The following AFF3 variants were observed in gnomAD, a reference collection of about 807,000 sequenced individuals.
AFF3 encodes AF4/FMR2 family member 3.
AFF3 carries 32 observed loss-of-function variants against 129.7 expected under a neutral mutation model. The observed-to-expected ratio is 0.25, with a 90% CI of 0.19 to 0.33. AFF3 has a LOEUF of 0.33. Ranked by LOEUF, AFF3 falls within the 10% of genes least tolerant of loss-of-function variation. The pLI, the probability that AFF3 is intolerant of heterozygous loss-of-function variation, is 1.00. For missense variants in AFF3, 1,373 were observed against 1,592.0 expected (o/e 0.86, Z 2.34); for synonymous variants, 644 against 635.4 (o/e 1.01, Z -0.20).
At chr2:100,058,087 T>C (rs1402475623) in intron 4 of AFF3, among the ~76,000 whole-genome samples, 4 of 152,210 alleles carry the variant, frequency 2.6e-5, no homozygotes, top group African/African-American at 9.6e-5. Flanking sequence ...AAATGAGTGA[T>C]AGCTACAGTT....
chr2:99,942,549 G>A lies in AFF3; in HGVS notation c.873+64083C>T, dbSNP rs1675154525. ...TATGAATTAAGTGGGGGGAGGGGCG[G>A]GGGGGGGGTCGCGGCACAGGGAATG... On this transcript the variant is annotated intron_variant, in intron 7 of 24. Transcript: ENST00000672756. 3.8e-5 allele frequency among the ~76,000 whole-genome samples: 3 copies of A among 79,392 alleles called. No homozygotes were observed. The East Asian group carries it at 9.4e-4, about 25-fold the overall frequency. The allele number at this position is 79,392 out of a possible 152,430, so 52.1% of individuals were successfully genotyped here. A position where few individuals can be genotyped will look rare whatever the true frequency, so the allele number is the denominator to read the frequency against.
intron 7 of AFF3, among the ~76,000 whole-genome samples, chr2:99,900,670 A>G (rs1694281449): frequency 6.6e-6 from 1 of 152,104 alleles, no homozygotes; most frequent in Admixed American, 6.5e-5. Context: ...ATACAATGGC[A>G]TTTACTGACT....
intron 11 of AFF3, chr2:99,707,638 C>G (rs1352128352): frequency 1.0e-6 from 1 of 984,234 alleles, no homozygotes; most frequent in East Asian, 1.1e-4. Flanking sequence ...AGAATCTTCA[C>G]ATTCCAAATC....
intron 13 of AFF3, among the ~76,000 whole-genome samples, chr2:99,607,316 A>T (rs1181147696): frequency 2.6e-5 from 4 of 152,084 alleles, no homozygotes; most frequent in Non-Finnish European, 5.9e-5. Context: ...GCAGATCACA[A>T]GGTCAAGAGT....
At chr2:100,067,138 T>C (rs1353560542) in intron 4 of AFF3, among the ~76,000 whole-genome samples, 1 of 149,818 alleles carries the variant, frequency 6.7e-6, no homozygotes, top group African/African-American at 2.5e-5. Flanking sequence ...TCATTCCCCC[T>C]TACCTAGCAC....
chr2:99,922,664 T>C (rs952552764), intron 7 of AFF3, among the ~76,000 whole-genome samples: 6 of 152,142 alleles, frequency 3.9e-5, no homozygotes, highest in Admixed American at 3.9e-4. Context: ...GAGTGAAAGG[T>C]AAATTTAGTA....
chr2:99,714,904 G>A (rs1678242447), intron 11 of AFF3, among the ~76,000 whole-genome samples: 1 of 152,148 alleles, frequency 6.6e-6, no homozygotes, highest in African/African-American at 2.4e-5. Flanking sequence ...TGAACATGTT[G>A]CACTTTGCAT....
Position 99,547,163 on chromosome 2 carries a change from G to A in AFF3, c.*4311C>T, listed in dbSNP as rs1287817616. ...TTATAAACTGGGAGCCAGAACAACT[G>A]ACTTGAACGTATTTTGATTCTCAAG... On this transcript the variant is annotated 3_prime_UTR_variant, in exon 25 of 25. Transcript: ENST00000672756. The A allele has an allele frequency of 9.2e-6, 2 of 218,018 alleles. No individual in the cohort carries two copies. The highest frequency in any genetic ancestry group is 1.8e-5 in the Non-Finnish European group (2 of 108,578). The allele number at this position is 218,018 out of a possible 1,614,324, so 13.5% of individuals were successfully genotyped here.
intron 7 of AFF3, among the ~76,000 whole-genome samples, chr2:99,967,544 T>C (rs1677905206): frequency 6.6e-6 from 1 of 152,218 alleles, no homozygotes; most frequent in South Asian, 2.1e-4. Context: ...CACCTCCACA[T>C]TCAGTGGCAC....
In AFF3 at chr2:99,797,705, T is replaced by C. The variant is rs1685647401; in HGVS notation, c.921+39772A>G. Among the ~76,000 whole-genome samples, 3 of 151,934 alleles carry C rather than the reference T, an allele frequency of 2.0e-5. No homozygotes were observed. In the South Asian group the frequency reaches 6.2e-4, roughly 32 times the overall value. ...GAGAAAGACGAAACAGAGATTAGGATTACAACAGATTTACTGTTGGAAACA... is the reference window on the plus strand; with the variant it reads ...GAGAAAGACGAAACAGAGATTAGGACTACAACAGATTTACTGTTGGAAACA... On this transcript the variant is annotated intron_variant, in intron 8 of 24. Transcript: ENST00000672756.
chr2:99,628,549 C>T (rs890916783), intron 13 of AFF3, among the ~76,000 whole-genome samples: 1 of 150,564 alleles, frequency 6.6e-6, no homozygotes, highest in African/African-American at 2.5e-5. Context: ...AATACCCTTT[C>T]TTTCTTTTTT....
chr2:99,944,856 T>C lies in AFF3; in HGVS notation c.873+61776A>G, dbSNP rs929348776. Among the ~76,000 whole-genome samples, 4 of 152,328 alleles carry C rather than the reference T, an allele frequency of 2.6e-5. No homozygotes were observed. The East Asian group carries it at 7.7e-4, about 29-fold the overall frequency. On this transcript the variant is annotated intron_variant, in intron 7 of 24. Transcript: ENST00000672756. ...TAATAAACAAAATCTAAAATATATA[T>C]TGTCTTACACTTGAGAGAAAATATA...
intron 4 of AFF3, among the ~76,000 whole-genome samples, chr2:100,023,169 G>C (rs1271278228): frequency 6.6e-6 from 1 of 152,216 alleles, no homozygotes; most frequent in Non-Finnish European, 1.5e-5. Flanking sequence ...GGATGAATAA[G>C]TATCTGGTGT....
At chr2:99,847,549 T>C (rs17023206) in intron 7 of AFF3, among the ~76,000 whole-genome samples, 1,706 of 152,072 alleles carry the variant, frequency 0.011, 35 homozygotes, top group African/African-American at 0.04. Context: ...GGCAATCTAT[T>C]TTATCTTTTC....
intron 1 of AFF3, among the ~76,000 whole-genome samples, chr2:100,141,338 A>G (rs562089318): frequency 1.3e-5 from 2 of 152,378 alleles, no homozygotes; most frequent in Non-Finnish European, 2.9e-5. Context: ...GTTGACAGAA[A>G]CACAACCAAA....
chr2:99,940,728 T>G (rs933344176), intron 7 of AFF3, among the ~76,000 whole-genome samples: 4 of 152,170 alleles, frequency 2.6e-5, no homozygotes, highest in Admixed American at 2.6e-4. Context: ...AGCCATTCTT[T>G]TATCCCTTTA....
At chr2:99,860,640 A>C (rs1375724141) in intron 7 of AFF3, among the ~76,000 whole-genome samples, 3 of 152,132 alleles carry the variant, frequency 2.0e-5, no homozygotes, top group Non-Finnish European at 4.4e-5. Flanking sequence ...AGGTAGGAGA[A>C]TGGCTTGAAC....
At chr2:99,681,462 T>C (rs1267830333) in intron 11 of AFF3, among the ~76,000 whole-genome samples, 1 of 152,220 alleles carries the variant, frequency 6.6e-6, no homozygotes, top group Non-Finnish European at 1.5e-5. Flanking sequence ...CAAGCTGCTA[T>C]GGTCTGAATG....
intron 7 of AFF3, among the ~76,000 whole-genome samples, chr2:99,887,118 TG>T (rs1693170007): frequency 6.6e-6 from 1 of 152,232 alleles, no homozygotes; most frequent in Non-Finnish European, 1.5e-5. Flanking sequence ...GGTGTGCTGA[TG>T]GAAGACAGAT....
Sources: gnomAD v4.1 joint callset for allele counts (sites outside exome capture counted in the v4.1 genomes callset) on GRCh38, gnomAD v4.1.1 for gene constraint, MANE v1.5 for transcripts, NCBI Gene and HGNC (gene_info 2026-07-23, HGNC 2026-07-21) for gene names.